The following ASNS variants were observed in gnomAD, a reference collection of about 807,000 sequenced individuals.
The protein encoded by ASNS is asparagine synthetase (glutamine-hydrolyzing).
A neutral mutation model predicts 62.6 loss-of-function variants in ASNS; 37 were observed. That is an observed-to-expected ratio of 0.59 (90% CI 0.45 to 0.78). The LOEUF is 0.78. Ranked by LOEUF, ASNS falls within the 30% of genes least tolerant of loss-of-function variation. The pLI, the probability that ASNS is intolerant of heterozygous loss-of-function variation, is 0.00. For synonymous variants in ASNS, 207 were observed against 237.9 expected (o/e 0.87, Z 1.19); for missense variants, 520 against 682.4 (o/e 0.76, Z 2.65).
chr7:97,896,755 T>C, the ASNS span, among the ~76,000 whole-genome samples: 15 of 102,150 alleles, frequency 1.5e-4, no homozygotes, highest in African/African-American at 9.0e-5. Context: ...TATATATATA[T>C]ATATATATAT....
intron 1 of ASNS, among the ~76,000 whole-genome samples, chr7:97,870,859 G>C (rs1002270294): frequency 1.3e-5 from 2 of 152,068 alleles, no homozygotes; most frequent in Non-Finnish European, 2.9e-5. Context: ...TAAACTGGAG[G>C]GGAAAAAGGG....
the ASNS span, among the ~76,000 whole-genome samples, chr7:97,889,198 G>A: frequency 6.6e-6 from 1 of 152,242 alleles, no homozygotes; most frequent in East Asian, 1.9e-4. Context: ...CCCATCCTCA[G>A]CAAAGCCTCA....
the ASNS span, among the ~76,000 whole-genome samples, chr7:97,884,056 T>A: frequency 1.3e-5 from 2 of 150,868 alleles, no homozygotes; most frequent in Non-Finnish European, 2.9e-5. Flanking sequence ...ATTCCATCCC[T>A]ACATCAGCCC....
At chr7:97,857,941 T>C (rs1791534893) in intron 7 of ASNS, among the ~76,000 whole-genome samples, 1 of 152,302 alleles carries the variant, frequency 6.6e-6, no homozygotes, top group Admixed American at 6.5e-5. Flanking sequence ...TTCAAACTCC[T>C]GACCTCAGGT....
At chr7:97,924,577 G>A in the ASNS span, among the ~76,000 whole-genome samples, 1,109 of 152,274 alleles carry the variant, frequency 7.3e-3, 11 homozygotes, top group African/African-American at 0.025. Flanking sequence ...GGTCCCCAGC[G>A]TGGGAGTGAA....
the ASNS span, among the ~76,000 whole-genome samples, chr7:97,896,180 A>G: frequency 1.2e-3 from 181 of 152,230 alleles, no homozygotes; most frequent in African/African-American, 4.2e-3. Context: ...TTCTTCACAG[A>G]AACAGGAAAA....
chr7:97,915,479 G>A, the ASNS span, among the ~76,000 whole-genome samples: 1 of 152,232 alleles, frequency 6.6e-6, no homozygotes, highest in African/African-American at 2.4e-5. Flanking sequence ...TCACGAACAG[G>A]CATGGCCCTG....
chr7:97,886,846 T>G, the ASNS span, among the ~76,000 whole-genome samples: 1 of 152,188 alleles, frequency 6.6e-6, no homozygotes, highest in Non-Finnish European at 1.5e-5. Context: ...GCAAAGTACC[T>G]GTCTGGGGAA....
upstream of ASNS, among the ~76,000 whole-genome samples, chr7:97,874,335 G>T (rs559689007): frequency 6.6e-6 from 1 of 152,194 alleles, no homozygotes; most frequent in African/African-American, 2.4e-5. Context: ...TCTTTTTTCA[G>T]GGTGCCCACA....
the ASNS span, chr7:97,928,111 C>T: frequency 1.5e-5 from 23 of 1,530,310 alleles, no homozygotes; most frequent in East Asian, 7.4e-5. Context: ...GTCTGGGTGC[C>T]GGTCTCCTCC....
upstream of ASNS, among the ~76,000 whole-genome samples, chr7:97,876,008 C>T (rs1332173802): frequency 1.3e-5 from 2 of 152,064 alleles, no homozygotes; most frequent in Admixed American, 6.5e-5. Flanking sequence ...AGACACCCAC[C>T]ACCACGCCTG....
chr7:97,864,107 C>G (rs1791847211), intron 4 of ASNS, 152 bp downstream of exon 4: 1 of 651,134 alleles, frequency 1.5e-6, no homozygotes, highest in Admixed American at 3.1e-5. Context: ...AAGGAGAGTA[C>G]AACTCCTCTG....
chr7:97,895,723 G>A, the ASNS span, among the ~76,000 whole-genome samples: 4 of 152,114 alleles, frequency 2.6e-5, no homozygotes, highest in Non-Finnish European at 4.4e-5. Flanking sequence ...CCCGAGAGGT[G>A]GAGGTTGCAG....
In ASNS at chr7:97,864,118, T is replaced by C. The variant is rs1042991489; in HGVS notation, c.487+141A>G. On this transcript the variant is annotated intron_variant, in intron 4 of 12. Transcript: ENST00000394308. ...TGAAAAGGAGAGTACAACTCCTCTG[T>C]TTTTTTAAAAAAAGGTAAAGACTCA... The C allele has an allele frequency of 7.7e-5, 55 of 717,792 alleles. No individual in the cohort carries two copies. The Middle Eastern group carries it at 1.4e-3, about 18-fold the overall frequency. The allele number at this position is 717,792 out of a possible 1,614,324, so 44.5% of individuals were successfully genotyped here.
the ASNS span, among the ~76,000 whole-genome samples, chr7:97,891,328 C>G: frequency 1.3e-5 from 2 of 152,194 alleles, no homozygotes; most frequent in African/African-American, 4.8e-5. Context: ...CCTCCCACAA[C>G]ATGTGGGAAT....
rs1252577998 is a variant in ASNS at position 97,859,272 on chromosome 7, T to G, written c.614A>C (p.His205Pro). ...KVASVEMVKY[H>P]HCRDVPLHAL... Reference sequence around the variant, plus strand: ...GTGCAGGGGTACATCCCGACAGTGATGATATTTAACCATTTCCACGGATGC... The same window carrying G: ...GTGCAGGGGTACATCCCGACAGTGAGGATATTTAACCATTTCCACGGATGC... The change falls in exon 5 of 13, where the codon CAT (histidine) becomes CCT (proline). Residue 205 changes from histidine (H) to proline (P), a missense_variant. His to Pro is a moderately conservative substitution (Grantham distance 77). Transcript: ENST00000394308. 3 of 1,614,050 alleles carry G rather than the reference T, an allele frequency of 1.9e-6. No individual in the cohort carries two copies. Among genetic ancestry groups the G allele is most frequent in the Non-Finnish European group, 2.5e-6 (3 of 1,180,024 alleles).
chr7:97,922,221 T>C, the ASNS span, among the ~76,000 whole-genome samples: 1 of 151,880 alleles, frequency 6.6e-6, no homozygotes, highest in Non-Finnish European at 1.5e-5. Flanking sequence ...CAAAAATTAG[T>C]GGAGCGTGGT....
At chr7:97,886,023 T>C in the ASNS span, 4 of 608,002 alleles carry the variant, frequency 6.6e-6, no homozygotes, top group Non-Finnish European at 1.3e-5. Flanking sequence ...TGAGACCTCC[T>C]GCCCGTCTCA....
At chr7:97,887,044 C>CTA in the ASNS span, among the ~76,000 whole-genome samples, 43 of 152,196 alleles carry the variant, frequency 2.8e-4, 1 homozygote, top group Middle Eastern at 3.4e-3. Context: ...ATGTAAAAGT[C>CTA]TATATATATA....
Sources: allele counts gnomAD v4.1 joint callset (sites outside exome capture counted in the v4.1 genomes callset), GRCh38; gene constraint gnomAD v4.1.1; transcripts MANE v1.5; gene names NCBI Gene and HGNC (gene_info 2026-07-23, HGNC 2026-07-21).